STK17B: variants seen among roughly 807,000 people sequenced by gnomAD.
The protein encoded by STK17B is serine/threonine kinase 17b.
In STK17B, 21 loss-of-function variants were observed where a neutral mutation model predicts 42.0. The observed-to-expected ratio is 0.50, with a 90% CI of 0.35 to 0.72. The LOEUF is 0.72. Ranked by LOEUF, STK17B falls within the 30% of genes least tolerant of loss-of-function variation. The probability of loss-of-function intolerance (pLI) is 0.00; values close to 1 mark genes in which losing one functional copy is unlikely to be tolerated. For synonymous variants in STK17B, 143 were observed against 148.4 expected, an observed-to-expected ratio of 0.96 and a Z score of 0.26; for missense variants, 349 against 446.0, an observed-to-expected ratio of 0.78 and a Z score of 1.96.
chr2:196,151,400 T>A (rs1437881151), intron 3 of STK17B: 2 of 152,210 alleles, frequency 1.3e-5, no homozygotes, highest in East Asian at 3.9e-4. Context: ...CCTGGCTAAT[T>A]TTCTGTATTT....
rs146171122 is a variant in STK17B, at chr2:196,141,695, A to C, written c.608-398T>G. Among the ~76,000 whole-genome samples, 466 of 152,308 alleles carry C rather than the reference A, an allele frequency of 3.1e-3. 3 individuals are homozygous for C. The highest frequency in any genetic ancestry group is 0.011 in the African/African-American group (449 of 41,570). On this transcript the variant is annotated intron_variant, in intron 5 of 7. Transcript: ENST00000263955. ...ATTGTAACTGGATTTAATTTTGGAAAGCCTAGTGATATAAGACGATAGAAA... is the reference window on the plus strand; with the variant it reads ...ATTGTAACTGGATTTAATTTTGGAACGCCTAGTGATATAAGACGATAGAAA...
At chr2:196,155,587 A>C (rs1256194408) in intron 3 of STK17B, among the ~76,000 whole-genome samples, 6 of 152,084 alleles carry the variant, frequency 3.9e-5, no homozygotes, top group African/African-American at 1.2e-4. Context: ...ATAAACACTT[A>C]TCTCTTCTTG....
At chr2:196,153,929 T>C (rs1266845951) in intron 3 of STK17B, 1 of 152,116 alleles carries the variant, frequency 6.6e-6, no homozygotes, top group Non-Finnish European at 1.5e-5. Flanking sequence ...GGGAAATCAC[T>C]AGACGAAAAG....
chr2:196,156,595 G>C lies in STK17B; in HGVS notation c.179C>G (p.Ala60Gly), dbSNP rs1699741927. 1 of 1,613,862 alleles carries C rather than the reference G, an allele frequency of 6.2e-7. No homozygotes were observed. Among genetic ancestry groups the C allele is most frequent in the Non-Finnish European group, 8.5e-7 (1 of 1,179,972 alleles). ...TCTTCTCTTTTTTAGAAATTTTGCA[G>C]CATATTCTTGGCCAGTAGATTTTGA... Reference protein sequence around the residue: ...CISKSTGQEYAAKFLKKRRRG... With the variant: ...CISKSTGQEYGAKFLKKRRRG... The change falls in exon 3 of 8, where the codon GCT becomes GGT. Residue 60 changes from alanine to glycine, a missense_variant. Physicochemically the swap from Ala to Gly is moderately conservative, Grantham distance 60. This residue lies in a region of STK17B where 256 missense variants were observed against 347.7 expected (regional missense o/e 0.74). Coordinates refer to ENST00000263955, the MANE Select transcript of STK17B (RefSeq NM_004226.4).
intron 3 of STK17B, among the ~76,000 whole-genome samples, chr2:196,152,275 T>G (rs887075412): frequency 6.6e-6 from 1 of 151,978 alleles, no homozygotes; most frequent in Non-Finnish European, 1.5e-5. Context: ...CCCGGCTAAT[T>G]TTTTGTATTT....
At chr2:196,173,040 T>C (rs1699966626), upstream of STK17B, among the ~76,000 whole-genome samples, 1 of 152,118 alleles carries the variant, frequency 6.6e-6, no homozygotes, top group South Asian at 2.1e-4. Flanking sequence ...TTTCAACATT[T>C]CATCAATTGC....
At chr2:196,164,245 G>C (rs1699850117) in intron 1 of STK17B, among the ~76,000 whole-genome samples, 1 of 152,118 alleles carries the variant, frequency 6.6e-6, no homozygotes, top group Non-Finnish European at 1.5e-5. Context: ...GATTGGCTAT[G>C]TTTCAGTACT....
intron 6 of STK17B, 55 bp from the exon 7 acceptor site, chr2:196,139,854 CA>C: frequency 7.1e-6 from 9 of 1,260,398 alleles, no homozygotes; most frequent in Non-Finnish European, 9.2e-6. Flanking sequence ...AACATTTATA[CA>C]AAGTACAATC....
intron 2 of STK17B, among the ~76,000 whole-genome samples, chr2:196,163,024 G>A (rs1699832468): frequency 1.3e-5 from 2 of 152,166 alleles, no homozygotes; most frequent in Admixed American, 1.3e-4. Context: ...TGTAACGACA[G>A]AGACCTCCTA....
rs146197315 is a variant in STK17B, at chr2:196,144,474, G to A, written c.481-788C>T. Among the ~76,000 whole-genome samples the A allele has an allele frequency of 0.021, 2,267 of 107,722 alleles. 195 individuals are homozygous for A. The East Asian group carries it at 0.31, about 15-fold the overall frequency. 70.7% of individuals were successfully genotyped at this position (107,722 alleles called of 152,430 possible). A position where few individuals can be genotyped will look rare whatever the true frequency, so the allele number is the denominator to read the frequency against. ...TGCAATTCAGCCTGGGCGACAGAGC[G>A]AGACTCTGTCTCAAAAAAAAAAAAA... On this transcript the variant is annotated intron_variant, in intron 4 of 7. Coordinates refer to ENST00000263955, the MANE Select transcript of STK17B (RefSeq NM_004226.4).
intron 2 of STK17B, 125 bp downstream of exon 2, chr2:196,163,137 C>T: frequency 8.4e-7 from 1 of 1,187,040 alleles, no homozygotes; most frequent in Non-Finnish European, 1.2e-6. Context: ...GTAACAGCAA[C>T]AGAGATCACA....
chr2:196,150,794 A>G (rs1184611856), intron 3 of STK17B, among the ~76,000 whole-genome samples: 1 of 152,206 alleles, frequency 6.6e-6, no homozygotes, highest in Non-Finnish European at 1.5e-5. Flanking sequence ...TCCTATGCTA[A>G]TGGGAGAAAC....
chr2:196,144,305 A>G (rs1233978749), intron 4 of STK17B, among the ~76,000 whole-genome samples: 1 of 151,796 alleles, frequency 6.6e-6, no homozygotes, highest in Non-Finnish European at 1.5e-5. Context: ...CCTGGCTAAC[A>G]TGGTGAAACC....
At position 196,136,203 on chromosome 2, in the gene STK17B, G is replaced by A. The variant is rs1242073072; in HGVS notation, c.*1244C>T. On this transcript the variant is annotated 3_prime_UTR_variant, in exon 8 of 8. Transcript: ENST00000263955. ...TAACAGACCAATATAACGGTCATCA[G>A]GTGAAAATTCATAAAAGATTACCCG... The A allele has an allele frequency of 3.3e-5, 5 of 152,152 alleles. No individual in the cohort carries two copies. The East Asian group carries it at 5.8e-4, about 18-fold the overall frequency. The allele number at this position is 152,152 out of a possible 1,614,324, so 9.4% of individuals were successfully genotyped here.
chr2:196,171,167 C>T (rs1699937197), intron 1 of STK17B, among the ~76,000 whole-genome samples, 166 bp downstream of exon 1: 1 of 152,172 alleles, frequency 6.6e-6, no homozygotes, highest in East Asian at 1.9e-4. Context: ...GAGGCGCCAG[C>T]AGCAATCAGC....
Position 196,156,475 on chromosome 2 carries a change from T to C in STK17B, c.299A>G (p.Tyr100Cys). 6.2e-7 allele frequency: 1 copy of C among 1,614,048 alleles called. No homozygotes were observed. ...CAAAATGATTTCACTTGTATTTTCA[T>C]AGACCTCATGAAGATTAATAACACG... ...CPRVINLHEV[Y>C]ENTSEIILIL... is the part of the protein sequence containing the mutation. The change falls in exon 3 of 8, where the codon TAT (tyrosine) becomes TGT (cysteine). Residue 100 changes from tyrosine to cysteine, a missense_variant. Physicochemically the swap from Tyr to Cys is radical, Grantham distance 194 (BLOSUM62 -2). This residue lies in a region of STK17B where 256 missense variants were observed against 347.7 expected (regional missense o/e 0.74). Coordinates refer to ENST00000263955, the MANE Select transcript of STK17B (RefSeq NM_004226.4).
At chr2:196,156,802 TATC>T in intron 2 of STK17B, 151 bp from the exon 3 acceptor site, 1 of 669,332 alleles carries the variant, frequency 1.5e-6, no homozygotes, top group South Asian at 2.0e-5. Flanking sequence ...TTGATTCAAA[TATC>T]ATACGTACTT....
At chr2:196,160,754 T>TTA (rs750777289) in intron 2 of STK17B, among the ~76,000 whole-genome samples, 2 of 152,198 alleles carry the variant, frequency 1.3e-5, no homozygotes, top group Non-Finnish European at 1.5e-5. Context: ...CTTGGTCTCT[T>TTA]TCATAAAGAT....
At chr2:196,167,562 C>A (rs1575188286) in intron 1 of STK17B, among the ~76,000 whole-genome samples, 1 of 152,318 alleles carries the variant, frequency 6.6e-6, no homozygotes, top group South Asian at 2.1e-4. Flanking sequence ...AATGTCAGTT[C>A]TAAACAGGTA....
Sources: allele counts gnomAD v4.1 joint callset (sites outside exome capture counted in the v4.1 genomes callset), GRCh38; gene constraint gnomAD v4.1.1; regional missense constraint gnomAD v4.1.1; transcripts MANE v1.5; gene names NCBI Gene and HGNC (gene_info 2026-07-23, HGNC 2026-07-21).